PIK3R5: variants seen among roughly 807,000 people sequenced by gnomAD.
PIK3R5 encodes the protein phosphoinositide 3-kinase regulatory subunit 5.
Under a neutral mutation model 94.9 loss-of-function variants are expected in PIK3R5, and 32 were observed. The observed-to-expected ratio is 0.34, with a 90% confidence interval of 0.25 to 0.45. The LOEUF is 0.45. Among genes scored for constraint, PIK3R5 ranks in the 20% least tolerant of loss-of-function variants. The probability of loss-of-function intolerance (pLI) is 1.00; values close to 1 mark genes in which losing one functional copy is unlikely to be tolerated. For missense variants in PIK3R5, 853 were observed against 1,144.6 expected (o/e 0.75, Z 3.68); for synonymous variants, 443 against 479.4 (o/e 0.92, Z 0.99).
chr17:8,947,038 A>G (rs2091285477), intron 1 of PIK3R5, among the ~76,000 whole-genome samples: 1 of 152,206 alleles, frequency 6.6e-6, no homozygotes, highest in Admixed American at 6.5e-5. Context: ...TAATTTGCTG[A>G]ATGAATGAAT....
At chr17:8,886,440 G>C in intron 13 of PIK3R5, 37 bp downstream of exon 13, 1 of 1,599,210 alleles carries the variant, frequency 6.3e-7, no homozygotes, top group Non-Finnish European at 8.5e-7. Flanking sequence ...AGGCCCGGCA[G>C]GTGGGGAAGA....
At chr17:8,920,846 T>TTC (rs1284215305) in intron 1 of PIK3R5, among the ~76,000 whole-genome samples, 1 of 146,182 alleles carries the variant, frequency 6.8e-6, no homozygotes, top group African/African-American at 2.5e-5. Flanking sequence ...TTCTTTTTCT[T>TTC]TTTTTTTTTT....
At chr17:8,922,730 A>G (rs2090779617) in intron 1 of PIK3R5, among the ~76,000 whole-genome samples, 1 of 152,100 alleles carries the variant, frequency 6.6e-6, no homozygotes, top group African/African-American at 2.4e-5. Flanking sequence ...TTCAAGATGT[A>G]AGATTCTTGG....
Position 8,889,860 on chromosome 17 carries a change from T to A in PIK3R5, c.811+113A>T. ...GCAGTGAGATGCTGAAGAAGCTGAG[T>A]CCCTGAGTGACTGTGTGGAGCAGAG... On this transcript the variant is annotated intron_variant, in intron 8 of 18. Coordinates refer to ENST00000447110, the MANE Select transcript of PIK3R5 (RefSeq NM_001142633.3). This position sits in a 1 kb window ranked among gnomAD's most constrained non-coding sequence, Gnocchi z 4.1. 1 of 1,055,624 alleles carries A rather than the reference T, an allele frequency of 9.5e-7. No homozygotes were observed. The highest frequency in any genetic ancestry group is 1.4e-6 in the Non-Finnish European group (1 of 703,234). 65.4% of individuals were successfully genotyped at this position (1,055,624 alleles called of 1,614,324 possible). A position where few individuals can be genotyped will look rare whatever the true frequency, so the allele number is the denominator to read the frequency against.
rs1419277219 is a variant in PIK3R5, at chr17:8,884,205, A to C, written c.2205+502T>G. Among the ~76,000 whole-genome samples, 3 of 152,104 alleles carry C rather than the reference A, an allele frequency of 2.0e-5. No individual in the cohort carries two copies. The highest frequency in any genetic ancestry group is 4.4e-5 in the Non-Finnish European group (3 of 67,996). Reference sequence around the variant, plus strand: ...AGGAAGAAGCCCACCTGTGAGGCCAAGCTTCCCTCAGCCTGGACCTTGGGA... The same window carrying C: ...AGGAAGAAGCCCACCTGTGAGGCCACGCTTCCCTCAGCCTGGACCTTGGGA... On this transcript the variant is annotated intron_variant, in intron 15 of 18. Coordinates refer to ENST00000447110, the MANE Select transcript of PIK3R5 (RefSeq NM_001142633.3). This position sits in a 1 kb window ranked among gnomAD's most constrained non-coding sequence, Gnocchi z 5.8.
At chr17:8,964,079 C>T (rs79789690) in intron 1 of PIK3R5, among the ~76,000 whole-genome samples, 4,656 of 152,248 alleles carry the variant, frequency 0.031, 105 homozygotes, top group Non-Finnish European at 0.05. Context: ...CCGTTCTCAT[C>T]ATACATGCCT....
intron 1 of PIK3R5, among the ~76,000 whole-genome samples, chr17:8,952,040 G>A (rs760134980): frequency 3.9e-5 from 6 of 152,204 alleles, no homozygotes; most frequent in African/African-American, 9.7e-5. Flanking sequence ...ATGCAGATGC[G>A]ATGGCAATTG....
chr17:8,941,653 G>A (rs1025331069), intron 1 of PIK3R5, among the ~76,000 whole-genome samples: 5 of 152,232 alleles, frequency 3.3e-5, no homozygotes, highest in African/African-American at 4.8e-5. Flanking sequence ...AGCGGCCCAC[G>A]CGGCACCGTG....
chr17:8,896,602 C>T lies in PIK3R5; in HGVS notation c.413-2947G>A, dbSNP rs548023192. ...CCTGGCCCAGGTGTCCAAGGCCCTTCGCCATTAAGCCTTGTTCACCCATCA... is the reference window on the plus strand; with the variant it reads ...CCTGGCCCAGGTGTCCAAGGCCCTTTGCCATTAAGCCTTGTTCACCCATCA... On this transcript the variant is annotated intron_variant, in intron 5 of 18. Transcript: ENST00000447110. The surrounding 1 kb of genome is among the most constrained non-coding windows in gnomAD (Gnocchi z 4.0). Among the ~76,000 whole-genome samples, 8 of 152,260 alleles carry T rather than the reference C, an allele frequency of 5.3e-5. No individual in the cohort carries two copies. The East Asian group carries it at 9.7e-4, about 18-fold the overall frequency.
chr17:8,927,521 G>A (rs2090907749), intron 1 of PIK3R5, among the ~76,000 whole-genome samples: 1 of 152,192 alleles, frequency 6.6e-6, no homozygotes, highest in African/African-American at 2.4e-5. Flanking sequence ...AGACAGTAAA[G>A]AGACACCTCC....
At chr17:8,903,697 AT>A (rs1269901433) in intron 5 of PIK3R5, among the ~76,000 whole-genome samples, 1 of 151,820 alleles carries the variant, frequency 6.6e-6, no homozygotes, top group Middle Eastern at 3.2e-3. Context: ...AATTTCTTTT[AT>A]TTTTTATTTT....
intron 1 of PIK3R5, among the ~76,000 whole-genome samples, chr17:8,915,391 G>A (rs995496584): frequency 6.7e-6 from 1 of 150,160 alleles, no homozygotes; most frequent in Non-Finnish European, 1.5e-5. Context: ...GCCAGCCTGG[G>A]TGACAGAGCA....
intron 5 of PIK3R5, among the ~76,000 whole-genome samples, chr17:8,902,249 A>ATTTTTTTTT (rs397960477): frequency 1.3e-5 from 1 of 77,192 alleles, no homozygotes; most frequent in Non-Finnish European, 2.3e-5. Flanking sequence ...TGATATATTA[A>ATTTTTTTTT]TTTTTTTTTT....
At chr17:8,933,545 C>A (rs2091022072) in intron 1 of PIK3R5, among the ~76,000 whole-genome samples, 1 of 152,094 alleles carries the variant, frequency 6.6e-6, no homozygotes, top group Admixed American at 6.5e-5. Flanking sequence ...CTTCCCAATT[C>A]ATTGATGAAA....
rs563080586 is a variant in PIK3R5 at position 8,897,739 on chromosome 17, T to C, written c.413-4084A>G. Reference sequence around the variant, plus strand: ...TTAGGTGCAACCCCCCTCACCTCCTTCTTTCTGTTAACTGGAATGTGGACA... The same window carrying C: ...TTAGGTGCAACCCCCCTCACCTCCTCCTTTCTGTTAACTGGAATGTGGACA... On this transcript the variant is annotated intron_variant, in intron 5 of 18. Coordinates refer to ENST00000447110, the MANE Select transcript of PIK3R5 (RefSeq NM_001142633.3). Among the ~76,000 whole-genome samples the C allele has an allele frequency of 1.2e-4, 19 of 152,282 alleles. No homozygotes were observed. In the South Asian group the frequency reaches 3.1e-3, roughly 25 times the overall value.
At chr17:8,903,432 G>A (rs1448683156) in intron 5 of PIK3R5, among the ~76,000 whole-genome samples, 2 of 150,308 alleles carry the variant, frequency 1.3e-5, no homozygotes, top group African/African-American at 4.9e-5. Flanking sequence ...TATATACTAA[G>A]TGCATAAATA....
chr17:8,920,525 G>A (rs932851191), intron 1 of PIK3R5, among the ~76,000 whole-genome samples: 4 of 152,152 alleles, frequency 2.6e-5, no homozygotes, highest in African/African-American at 7.2e-5. Flanking sequence ...GATGAGGATC[G>A]CACTCTCCTT....
At chr17:8,949,425 G>C (rs1385530538) in intron 1 of PIK3R5, among the ~76,000 whole-genome samples, 1 of 152,154 alleles carries the variant, frequency 6.6e-6, no homozygotes, top group Non-Finnish European at 1.5e-5. Flanking sequence ...AGAGAATAAA[G>C]GCATCTCAGA....
intron 1 of PIK3R5, among the ~76,000 whole-genome samples, chr17:8,953,351 C>T (rs1198491591): frequency 1.3e-5 from 2 of 152,226 alleles, no homozygotes; most frequent in Non-Finnish European, 2.9e-5. Flanking sequence ...CACCCATCAT[C>T]TCCCTCCTCA....
Sources: gnomAD v4.1 joint callset for allele counts (sites outside exome capture counted in the v4.1 genomes callset) on GRCh38, gnomAD v4.1.1 for gene constraint, Gnocchi (gnomAD v3.1) non-coding constraint, MANE v1.5 for transcripts, NCBI Gene and HGNC (gene_info 2026-07-23, HGNC 2026-07-21) for gene names.